The following RUNX2 variants were observed in gnomAD, a reference collection of about 807,000 sequenced individuals.
The protein encoded by RUNX2 is RUNX family transcription factor 2, also known as runt-related transcription factor 2.
In RUNX2, 10 loss-of-function variants were observed where a neutral mutation model predicts 51.7. The observed-to-expected ratio is 0.19, with a 90% CI of 0.12 to 0.33. The LOEUF (loss-of-function observed/expected upper bound fraction) is 0.33, where lower values mean the gene tolerates loss of function less well. RUNX2 is among the 10% of genes least tolerant of loss of function. The pLI is 1.00. For synonymous variants in RUNX2, 276 were observed against 273.6 expected (o/e 1.01, Z -0.09); for missense variants, 562 against 691.3 (o/e 0.81, Z 2.10).
intron 2 of RUNX2, among the ~76,000 whole-genome samples, chr6:45,401,953 C>G (rs746491116): frequency 3.9e-5 from 6 of 152,204 alleles, no homozygotes; most frequent in Non-Finnish European, 8.8e-5. Flanking sequence ...CTTCAGCTTT[C>G]GCTCCTAGTG....
chr6:45,486,490 A>T (rs1245237307), intron 5 of RUNX2, among the ~76,000 whole-genome samples: 2 of 152,148 alleles, frequency 1.3e-5, no homozygotes, highest in Non-Finnish European at 2.9e-5. Context: ...TTATGTTTTC[A>T]TGATACTTAG....
intron 6 of RUNX2, among the ~76,000 whole-genome samples, chr6:45,504,000 C>T (rs1428082591): frequency 2.0e-5 from 3 of 152,188 alleles, no homozygotes; most frequent in Non-Finnish European, 4.4e-5. Context: ...GTGTACCCTA[C>T]ATAGCCTCCA....
At chr6:45,436,912 A>C (rs1422779393) in intron 4 of RUNX2, among the ~76,000 whole-genome samples, 1 of 152,238 alleles carries the variant, frequency 6.6e-6, no homozygotes, top group East Asian at 1.9e-4. Context: ...TTACAGGAGC[A>C]GACTGAATGA....
chr6:45,376,560 A>G (rs1411110323), intron 2 of RUNX2, among the ~76,000 whole-genome samples: 1 of 152,236 alleles, frequency 6.6e-6, no homozygotes, highest in African/African-American at 2.4e-5. Context: ...CATCTCCATC[A>G]AGGCAGAAAC....
At chr6:45,365,277 T>C (rs146620980) in intron 2 of RUNX2, 170 of 1,611,368 alleles carry the variant, frequency 1.1e-4, no homozygotes, top group Middle Eastern at 6.6e-4. Flanking sequence ...GCAGTAGACA[T>C]TGGACTAGCT....
chr6:45,424,339 G>A (rs1351620811), intron 3 of RUNX2, among the ~76,000 whole-genome samples: 1 of 152,246 alleles, frequency 6.6e-6, no homozygotes, highest in Non-Finnish European at 1.5e-5. Flanking sequence ...ATGGGGAAAC[G>A]GGTTCCCAGG....
chr6:45,455,029 G>A (rs981456039), intron 5 of RUNX2, among the ~76,000 whole-genome samples: 3 of 152,118 alleles, frequency 2.0e-5, no homozygotes, highest in African/African-American at 4.8e-5. Flanking sequence ...CAGGAGAATC[G>A]CTTGAACCTG....
rs771811806 is a variant in RUNX2 at position 45,519,595 on chromosome 6, CTG to C, written c.1021+7190_1021+7191del. Among the ~76,000 whole-genome samples, 6 of 151,714 alleles carry C rather than the reference CTG, an allele frequency of 4.0e-5. No individual in the cohort carries two copies. In the South Asian group the frequency reaches 1.0e-3, roughly 26 times the overall value. On this transcript the variant is annotated intron_variant, in intron 7 of 8. Transcript: ENST00000647337. Reference sequence around the variant, plus strand: ...GCAACCACAGATTCTTTTTTTTTAACTGTCTCTATAGTTTTGCCTTTTCCAGT... The same window carrying C: ...GCAACCACAGATTCTTTTTTTTTAACTCTCTATAGTTTTGCCTTTTCCAGT...
chr6:45,449,992 T>C (rs533033889), intron 5 of RUNX2, among the ~76,000 whole-genome samples: 7 of 152,196 alleles, frequency 4.6e-5, no homozygotes, highest in Non-Finnish European at 8.8e-5. Flanking sequence ...CATCGTGATG[T>C]GTATCTCCCA....
rs748640088 is a variant in RUNX2, at chr6:45,547,054, A to C, written c.1315A>C (p.Thr439Pro). 4 of 1,614,084 alleles carry C rather than the reference A, an allele frequency of 2.5e-6. No individual in the cohort carries two copies. Among genetic ancestry groups the C allele is most frequent in the Non-Finnish European group, 2.5e-6 (3 of 1,180,012 alleles). ...SSQSQSGPFQ[T>P]SSTPYLYYGT... ...CCAAAGCCAGAGTGGACCCTTCCAG[A>C]CCAGCAGCACTCCATATCTCTACTA... The change falls in exon 9 of 9, where the codon ACC becomes CCC. Residue 439 changes from threonine to proline, a missense_variant. Around this residue, in one of 5 missense-constraint regions of RUNX2, gnomAD observed 304 missense variants for 353.2 expected, o/e 0.86. Coordinates refer to ENST00000647337, the MANE Select transcript of RUNX2 (RefSeq NM_001024630.4).
intron 2 of RUNX2, among the ~76,000 whole-genome samples, chr6:45,387,439 G>A (rs903166059): frequency 1.3e-5 from 2 of 152,186 alleles, no homozygotes; most frequent in African/African-American, 4.8e-5. Context: ...CCTGTTCCTA[G>A]ATTCGGCCTA....
chr6:45,442,930 C>T (rs1051351947), intron 5 of RUNX2, among the ~76,000 whole-genome samples: 1 of 151,954 alleles, frequency 6.6e-6, no homozygotes, highest in Non-Finnish European at 1.5e-5. Context: ...GATCCTCTTC[C>T]TCTCCACGTG....
At chr6:45,483,471 C>A (rs976456001) in intron 5 of RUNX2, among the ~76,000 whole-genome samples, 3 of 152,132 alleles carry the variant, frequency 2.0e-5, no homozygotes, top group Middle Eastern at 3.4e-3. Flanking sequence ...TGTACCTAGG[C>A]TCCAAGTTTG....
At chr6:45,469,748 T>C (rs1241791294) in intron 5 of RUNX2, among the ~76,000 whole-genome samples, 1 of 152,200 alleles carries the variant, frequency 6.6e-6, no homozygotes, top group Non-Finnish European at 1.5e-5. Context: ...TTCTAACACA[T>C]AGAGTCTAAA....
chr6:45,334,371 C>A (rs1435476186), intron 2 of RUNX2, among the ~76,000 whole-genome samples: 1 of 142,620 alleles, frequency 7.0e-6, no homozygotes, highest in Non-Finnish European at 1.5e-5. Context: ...CCCTAAATTA[C>A]ATGAACCATA....
chr6:45,357,977 T>C (rs1003812513), intron 2 of RUNX2, among the ~76,000 whole-genome samples: 4 of 152,034 alleles, frequency 2.6e-5, no homozygotes, highest in African/African-American at 4.8e-5. Flanking sequence ...TTCTAAAAAA[T>C]GGAACATAAA....
chr6:45,499,630 A>G (rs1268595778), intron 6 of RUNX2, among the ~76,000 whole-genome samples: 1 of 152,230 alleles, frequency 6.6e-6, no homozygotes, highest in South Asian at 2.1e-4. Flanking sequence ...GTACGCTTTC[A>G]GAAAAGTAGA....
intron 7 of RUNX2, among the ~76,000 whole-genome samples, chr6:45,516,844 A>C (rs536875940): frequency 7.9e-5 from 12 of 152,364 alleles, no homozygotes; most frequent in African/African-American, 2.2e-4. Flanking sequence ...GCTGACTTTC[A>C]AAATGTATTT....
chr6:45,485,746 A>G (rs947920950), intron 5 of RUNX2, among the ~76,000 whole-genome samples: 1 of 132,842 alleles, frequency 7.5e-6, no homozygotes, highest in African/African-American at 2.8e-5. Context: ...TTATCTCACA[A>G]GATATTTATT....
Sources: gnomAD v4.1 joint callset for allele counts (sites outside exome capture counted in the v4.1 genomes callset) on GRCh38, gnomAD v4.1.1 for gene constraint, gnomAD v4.1.1 regional missense constraint, MANE v1.5 for transcripts, NCBI Gene and HGNC (gene_info 2026-07-23, HGNC 2026-07-21) for gene names.